TRPM7: variants seen among roughly 807,000 people sequenced by gnomAD.
The protein encoded by TRPM7 is LTRPC ion channel family member 7.
In TRPM7, 134 loss-of-function variants were observed where a neutral mutation model predicts 229.7. The observed-to-expected ratio is 0.58, with a 90% confidence interval of 0.51 to 0.67. TRPM7 has a LOEUF of 0.67. Among genes scored for constraint, TRPM7 ranks in the 30% least tolerant of loss-of-function variants. TRPM7 has a pLI of 0.00. For missense variants in TRPM7, 1,901 were observed against 2,210.0 expected, an observed-to-expected ratio of 0.86 and a Z score of 2.80; for synonymous variants, 699 against 715.2, an observed-to-expected ratio of 0.98 and a Z score of 0.36.
chr15:50,603,686 C>T (rs1034410359), intron 21 of TRPM7, among the ~76,000 whole-genome samples: 2 of 152,084 alleles, frequency 1.3e-5, no homozygotes, highest in African/African-American at 4.8e-5. Flanking sequence ...TGTATACGTG[C>T]CGCATTTTCT....
intron 30 of TRPM7, 39 bp from the exon 31 acceptor site, chr15:50,578,703 T>C (rs373454305): frequency 2.7e-6 from 4 of 1,475,016 alleles, no homozygotes; most frequent in African/African-American, 1.4e-5. Context: ...AGCTGTGCTA[T>C]GATTTAAGTT....
intron 1 of TRPM7, among the ~76,000 whole-genome samples, chr15:50,668,012 T>C (rs148480102): frequency 1.1e-4 from 17 of 152,332 alleles, no homozygotes; most frequent in Middle Eastern, 3.4e-3. Flanking sequence ...TGTTAAATTA[T>C]TGTGTGCCAC....
chr15:50,651,016 A>G (rs1208396622), intron 3 of TRPM7, among the ~76,000 whole-genome samples: 1 of 151,896 alleles, frequency 6.6e-6, no homozygotes, highest in Non-Finnish European at 1.5e-5. Flanking sequence ...GGTGAACCCC[A>G]TCTCTACAAA....
chr15:50,679,529 T>TATATATTATATATATGTGTATATATATA (rs2062192470), intron 1 of TRPM7, among the ~76,000 whole-genome samples: 1 of 51,756 alleles, frequency 1.9e-5, no homozygotes, highest in African/African-American at 7.9e-5. Flanking sequence ...TATATATATA[T>TATATATTATATATATGTGTATATATATA]ATATATATAT....
At position 50,604,931 on chromosome 15, in the gene TRPM7, G is replaced by A. The variant is rs1234539317; in HGVS notation, c.2923C>T (p.Arg975Cys). Residue 975 changes from arginine to cysteine, a missense_variant, in exon 21 of 39, where the codon CGT becomes TGT. Coordinates refer to ENST00000646667, the MANE Select transcript of TRPM7 (RefSeq NM_017672.6). ...TTTACAGCTAGAAAATCTAGCAAAC[G>A]CACATACCAAAATATTATGTTAAGA... ...YCLNIIFWYVRLLDFLAVNQQ... is the reference protein window; with the variant it reads ...YCLNIIFWYVCLLDFLAVNQQ... 8.1e-6 allele frequency: 13 copies of A among 1,612,862 alleles called. No individual in the cohort carries two copies. The highest frequency in any genetic ancestry group is 1.6e-4 in the Middle Eastern group (1 of 6,078).
chr15:50,615,963 A>C (rs1048169561), intron 13 of TRPM7, among the ~76,000 whole-genome samples: 2 of 152,168 alleles, frequency 1.3e-5, no homozygotes, highest in African/African-American at 4.8e-5. Context: ...TATCCTTTAA[A>C]TCTCTAATTT....
intron 1 of TRPM7, among the ~76,000 whole-genome samples, chr15:50,664,961 T>A (rs2061842728): frequency 6.6e-6 from 1 of 152,170 alleles, no homozygotes; most frequent in African/African-American, 2.4e-5. Context: ...CAAGACCCTG[T>A]CTTAAAAATA....
intron 1 of TRPM7, among the ~76,000 whole-genome samples, chr15:50,675,506 A>G (rs139624130): frequency 0.016 from 2,394 of 152,252 alleles, 24 homozygotes; most frequent in Non-Finnish European, 0.024. Context: ...CACTTGTTAC[A>G]CAGGAATCGG....
chr15:50,628,387 A>C (rs566026758), intron 10 of TRPM7, 138 bp from the exon 11 acceptor site: 1 of 588,750 alleles, frequency 1.7e-6, no homozygotes, highest in African/African-American at 1.9e-5. Context: ...GGCTCACTGC[A>C]GCCTTGAATT....
chr15:50,681,365 T>C (rs1567131504), intron 1 of TRPM7, among the ~76,000 whole-genome samples: 1 of 152,052 alleles, frequency 6.6e-6, no homozygotes, highest in African/African-American at 2.4e-5. Context: ...TAAAGCCTAT[T>C]ACACACTTCT....
chr15:50,652,489 A>G (rs1226562739), intron 3 of TRPM7, among the ~76,000 whole-genome samples: 1 of 150,686 alleles, frequency 6.6e-6, no homozygotes, highest in Admixed American at 6.7e-5. Context: ...AAATAAATCA[A>G]CACTCCAGCC....
rs142581200 is a variant in TRPM7 at position 50,602,046 on chromosome 15, G to C, written c.2989-2750C>G. 6.1e-3 allele frequency among the ~76,000 whole-genome samples: 927 copies of C among 151,234 alleles called. 67 individuals are homozygous for C. In the East Asian group the frequency reaches 0.15, roughly 25 times the overall value. On this transcript the variant is annotated intron_variant, in intron 21 of 38. Transcript: ENST00000646667. ...TCCCATTACTGGGTATATACCCAAA[G>C]GATTATAAATCATGCTACTATAAAG...
chr15:50,557,341 T>C lies in TRPM7; in HGVS notation c.*4337A>G, dbSNP rs539710207. The C allele has an allele frequency of 2.0e-5, 3 of 151,388 alleles. No individual in the cohort carries two copies. Among genetic ancestry groups the C allele is most frequent in the East Asian group, 2.0e-4 (1 of 5,104 alleles). 9.4% of individuals were successfully genotyped at this position (151,388 alleles called of 1,614,324 possible). A position where few individuals can be genotyped will look rare whatever the true frequency, so the allele number is the denominator to read the frequency against. On this transcript the variant is annotated 3_prime_UTR_variant, in exon 39 of 39. Coordinates refer to ENST00000646667, the MANE Select transcript of TRPM7 (RefSeq NM_017672.6). Reference sequence around the variant, plus strand: ...CACAAACCAGGCAGCAAGCAAGGTATTGGGTGCTACTCAATCCAGTGAAGT... The same window carrying C: ...CACAAACCAGGCAGCAAGCAAGGTACTGGGTGCTACTCAATCCAGTGAAGT...
chr15:50,612,660 T>A lies in TRPM7; in HGVS notation c.1940A>T (p.Glu647Val). ...MARFLWQHGE[E>V]SMAKALVACK... ...GGCAACTAATGCTTTAGCCATTGAT[T>A]CTTCACCATGTTGCCATAAAAAACG... Residue 647 changes from glutamate (E) to valine (V), a missense_variant, in exon 16 of 39, where the codon GAA (glutamate) becomes GTA (valine). Physicochemically the swap from Glu to Val is moderately radical, Grantham distance 121. Around this residue, in one of 8 missense-constraint regions of TRPM7, gnomAD observed 794 missense variants for 881.9 expected, o/e 0.90. Coordinates refer to ENST00000646667, the MANE Select transcript of TRPM7 (RefSeq NM_017672.6). 6.2e-7 allele frequency: 1 copy of A among 1,614,198 alleles called. No individual in the cohort carries two copies. Among genetic ancestry groups the A allele is most frequent in the Non-Finnish European group, 8.5e-7 (1 of 1,180,026 alleles).
chr15:50,632,895 T>A lies in TRPM7; in HGVS notation c.1105A>T (p.Met369Leu), dbSNP rs146964608. ...AGCTCCTTTCTTTTCATGCACTCCA[T>A]CAGTGTTTGAAATAAATGAAGTGCT... is the stretch of plus-strand genomic sequence containing the variant. ...NEALHLFQTL[M>L]ECMKRKELIT... The change falls in exon 9 of 39, where the codon ATG becomes TTG. Residue 369 changes from methionine (M) to leucine (L), a missense_variant. Coordinates refer to ENST00000646667, the MANE Select transcript of TRPM7 (RefSeq NM_017672.6). 5 of 1,583,782 alleles carry A rather than the reference T, an allele frequency of 3.2e-6. No homozygotes were observed. The African/African-American group carries it at 4.1e-5, about 13-fold the overall frequency.
chr15:50,574,892 C>T lies in TRPM7; in HGVS notation c.4979G>A (p.Ser1660Asn), dbSNP rs139291139. ...CAGAACTGTATCTTCTTTGTAAATA[C>T]TTGACCATGTATTAACCACCTCTGG... ...FLPEVVNTWSSIYKEDTVLHL... is the reference protein window; with the variant it reads ...FLPEVVNTWSNIYKEDTVLHL... The change falls in exon 34 of 39, where the codon AGT (serine) becomes AAT (asparagine). Residue 1660 changes from serine (S) to asparagine (N), a missense_variant. Coordinates refer to ENST00000646667, the MANE Select transcript of TRPM7 (RefSeq NM_017672.6). The T allele has an allele frequency of 7.3e-4, 1,185 of 1,613,430 alleles. 7 individuals carry two copies. The African/African-American group carries it at 0.013, about 18-fold the overall frequency.
At chr15:50,570,052 A>G (rs1683688856) in intron 37 of TRPM7, 52 bp downstream of exon 37, 4 of 1,591,380 alleles carry the variant, frequency 2.5e-6, no homozygotes, top group Non-Finnish European at 3.4e-6. Flanking sequence ...TTATACAGGT[A>G]CAAATATAAA....
In TRPM7 at chr15:50,643,503, C is replaced by G. The variant is rs1424397048; in HGVS notation, c.372G>C (p.Leu124=). 6.2e-7 allele frequency: 1 copy of G among 1,614,104 alleles called. No individual in the cohort carries two copies. Among genetic ancestry groups the G allele is most frequent in the African/African-American group, 1.3e-5 (1 of 75,022 alleles). ...GTAACTCCATTTGCCATTCTTTAAGCAGAAGTTGCAGAATGACTTCAGGTT... is the reference window on the plus strand; with the variant it reads ...GTAACTCCATTTGCCATTCTTTAAGGAGAAGTTGCAGAATGACTTCAGGTT... The part of the protein sequence containing the change: ...DTKPEVILQL[L]LKEWQMELPK... The change falls in exon 5 of 39, where the codon CTG becomes CTC. Residue 124 remains leucine (L), a synonymous_variant. Coordinates refer to ENST00000646667, the MANE Select transcript of TRPM7 (RefSeq NM_017672.6).
At chr15:50,607,127 C>T (rs948749814) in intron 20 of TRPM7, 73 bp downstream of exon 20, 7 of 1,439,406 alleles carry the variant, frequency 4.9e-6, no homozygotes, top group Middle Eastern at 3.6e-4. Context: ...TACGTATACA[C>T]CCAAAACAAA....
Sources: allele counts gnomAD v4.1 joint callset (sites outside exome capture counted in the v4.1 genomes callset), GRCh38; gene constraint gnomAD v4.1.1; regional missense constraint gnomAD v4.1.1; transcripts MANE v1.5; gene names NCBI Gene and HGNC (gene_info 2026-07-23, HGNC 2026-07-21).